The following C3 variants were observed in gnomAD, a reference collection of about 807,000 sequenced individuals.
C3 encodes the protein C3 and PZP-like alpha-2-macroglobulin domain-containing protein 1.
In C3, 97 loss-of-function variants were observed where a neutral mutation model predicts 207.9. The ratio of observed to expected loss-of-function variants is 0.47; its 90% CI spans 0.40 to 0.55. The LOEUF (loss-of-function observed/expected upper bound fraction) is 0.55, where lower values mean the gene tolerates loss of function less well. Among genes scored for constraint, C3 ranks in the 20% least tolerant of loss-of-function variants. C3 has a pLI of 0.00. For synonymous variants in C3, 848 were observed against 857.6 expected (o/e 0.99, Z 0.20); for missense variants, 1,684 against 2,171.7 (o/e 0.78, Z 4.46).
chr19:6,712,182 A>G (rs2145429516), intron 11 of C3, 75 bp downstream of exon 11: 1 of 1,567,506 alleles, frequency 6.4e-7, no homozygotes, highest in South Asian at 1.1e-5. Flanking sequence ...AAATGACAGG[A>G]CCCCACTGTG....
chr19:6,687,632 G>A (rs565558308), intron 27 of C3, among the ~76,000 whole-genome samples: 15 of 152,108 alleles, frequency 9.9e-5, no homozygotes, highest in South Asian at 8.3e-4. Context: ...ATATGGTGTC[G>A]TTGAATGTAG....
Position 6,686,754 on chromosome 19 carries a change from G to T in C3, c.3638C>A (p.Thr1213Lys), listed in dbSNP as rs1208865436. The T allele has an allele frequency of 6.2e-7, 1 of 1,613,772 alleles. No homozygotes were observed. Among genetic ancestry groups the T allele is most frequent in the African/African-American group, 1.3e-5 (1 of 74,930 alleles). Residue 1213 changes from threonine to lysine, a missense_variant, in exon 28 of 41, where the codon ACA becomes AAA. Physicochemically the swap from Thr to Lys is moderately conservative, Grantham distance 78. Transcript: ENST00000245907. ...KGPLLNKFLT[T>K]AKDKNRWEDP... is the part of the protein sequence containing the mutation. ...TCCAGGCCAACCCTCACCTTTGGCT[G>T]TGGTCAGAAATTTGTTAAGAAGAGG...
chr19:6,699,023 T>G (rs1035203619), intron 19 of C3, among the ~76,000 whole-genome samples: 1 of 152,098 alleles, frequency 6.6e-6, no homozygotes, highest in Non-Finnish European at 1.5e-5. Context: ...CTCCACCTCC[T>G]GACCTCAGGT....
chr19:6,680,276 G>A lies in C3; in HGVS notation c.4351-13C>T, dbSNP rs1381597483. 2.7e-6 allele frequency: 4 copies of A among 1,467,276 alleles called. No individual in the cohort carries two copies. The highest frequency in any genetic ancestry group is 2.9e-6 in the Non-Finnish European group (3 of 1,046,522). The allele number at this position is 1,467,276 out of a possible 1,614,324, so 90.9% of individuals were successfully genotyped here. On this transcript the variant is annotated splice_polypyrimidine_tract_variant and intron_variant, in intron 35 of 40. Coordinates refer to ENST00000245907, the MANE Select transcript of C3 (RefSeq NM_000064.4). ...CAGAGTGTGAGACCTGAGGGGGAAG[G>A]AGGAGCTTGGTCAGTGGGGTGATGT...
At chr19:6,680,601 T>C (rs1300458343) in intron 35 of C3, among the ~76,000 whole-genome samples, 1 of 152,108 alleles carries the variant, frequency 6.6e-6, no homozygotes, top group African/African-American at 2.4e-5. Context: ...GGATGGAAGG[T>C]GCTTGGATCC....
chr19:6,714,142 C>A (rs751144391), intron 6 of C3, 24 bp downstream of exon 6: 56 of 1,605,604 alleles, frequency 3.5e-5, no homozygotes, highest in Non-Finnish European at 3.8e-5. Flanking sequence ...GGCACTGACT[C>A]CCCCCAGCCC....
intron 24 of C3, among the ~76,000 whole-genome samples, chr19:6,693,935 C>A (rs547629254): frequency 7.0e-6 from 1 of 143,152 alleles, no homozygotes; most frequent in Non-Finnish European, 1.5e-5. Context: ...TGGGAGGAGT[C>A]AGGGCCTCAG....
chr19:6,713,327 G>C lies in C3; in HGVS notation c.877-12C>G. ...GAGCCATCCTCAATCTGAGAAGGGA[G>C]AGGAGGGCTCAGAGAGGGGAGCGGG... On this transcript the variant is annotated splice_polypyrimidine_tract_variant and intron_variant, in intron 8 of 40. Transcript: ENST00000245907. 6.2e-7 allele frequency: 1 copy of C among 1,613,922 alleles called. No individual in the cohort carries two copies. Among genetic ancestry groups the C allele is most frequent in the Non-Finnish European group, 8.5e-7 (1 of 1,180,006 alleles).
chr19:6,689,330 TCCCTCCCTCCCTCC>T (rs1918099149), intron 27 of C3, among the ~76,000 whole-genome samples: 25 of 42,914 alleles, frequency 5.8e-4, no homozygotes, highest in African/African-American at 2.8e-3. Context: ...TCTACCTACC[TCCCTCCCTCCCTCC>T]CTCCCTCCCT....
chr19:6,694,032 T>G (rs1444926682), intron 24 of C3, among the ~76,000 whole-genome samples: 1 of 102,652 alleles, frequency 9.7e-6, no homozygotes, highest in Admixed American at 9.0e-5. Flanking sequence ...GAGCCTGGCC[T>G]GGGAGGAGTC....
At chr19:6,683,268 G>A (rs1917909791) in intron 33 of C3, 1 of 151,712 alleles carries the variant, frequency 6.6e-6, no homozygotes, top group South Asian at 2.1e-4. Flanking sequence ...ATTATACAAA[G>A]AGAAGAAGGC....
chr19:6,680,288 C>A (rs781432068), intron 35 of C3, 25 bp from the exon 36 acceptor site: 2 of 1,302,150 alleles, frequency 1.5e-6, no homozygotes, highest in South Asian at 1.2e-5. Context: ...GGAGCTTGGT[C>A]AGTGGGGTGA....
In C3 at chr19:6,685,095, C is replaced by T. The variant is rs1409929600; in HGVS notation, c.3862G>A (p.Asp1288Asn). ...ACATCAAGGTTCAGTTCCTGGTGGT[C>T]AGGGGCGTCCTTTTGGTATTGAGCC... ...ALAQYQKDAPDHQELNLDVSL... is the reference protein window; with the variant it reads ...ALAQYQKDAPNHQELNLDVSL... The change falls in exon 30 of 41, where the codon GAC (aspartate) becomes AAC (asparagine). Residue 1288 changes from aspartate (D) to asparagine (N), a missense_variant. Physicochemically the swap from Asp to Asn is conservative, Grantham distance 23 (BLOSUM62 1). Coordinates refer to ENST00000245907, the MANE Select transcript of C3 (RefSeq NM_000064.4). 1 of 1,614,034 alleles carries T rather than the reference C, an allele frequency of 6.2e-7. No homozygotes were observed. Among genetic ancestry groups the T allele is most frequent in the South Asian group, 1.1e-5 (1 of 91,058 alleles).
chr19:6,699,589 T>A (rs1432743754), intron 19 of C3, among the ~76,000 whole-genome samples: 1 of 151,708 alleles, frequency 6.6e-6, no homozygotes, highest in Non-Finnish European at 1.5e-5. Flanking sequence ...AAAAGAAAAC[T>A]TAGCATCCTG....
chr19:6,703,025 C>T (rs1415519884), intron 17 of C3, among the ~76,000 whole-genome samples: 1 of 152,090 alleles, frequency 6.6e-6, no homozygotes, highest in Non-Finnish European at 1.5e-5. Context: ...CAGAGACAGA[C>T]TCCATCTGAA....
chr19:6,678,254 G>A lies in C3; in HGVS notation c.4748C>T (p.Thr1583Met), dbSNP rs367971651. 5 of 1,614,198 alleles carry A rather than the reference G, an allele frequency of 3.1e-6. No individual in the cohort carries two copies. Among genetic ancestry groups the A allele is most frequent in the East Asian group, 4.5e-5 (2 of 44,888 alleles). Reference sequence around the variant, plus strand: ...TCTGCACTTGATGGGGCTGATGAACGTGCGCTGCTGTCCAACCTGCACCTC... The same window carrying A: ...TCTGCACTTGATGGGGCTGATGAACATGCGCTGCTGTCCAACCTGCACCTC... ...SDEVQVGQQR[T>M]FISPIKCREA... The change falls in exon 40 of 41, where the codon ACG becomes ATG. Residue 1583 changes from threonine to methionine, a missense_variant. Physicochemically the swap from Thr to Met is moderately conservative, Grantham distance 81 (BLOSUM62 -1). Around this residue, in one of 3 missense-constraint regions of C3, gnomAD observed 346 missense variants for 380.1 expected, o/e 0.91. Coordinates refer to ENST00000245907, the MANE Select transcript of C3 (RefSeq NM_000064.4).
At chr19:6,720,450 G>A in intron 1 of C3, 66 bp downstream of exon 1, 1 of 1,150,630 alleles carries the variant, frequency 8.7e-7, no homozygotes, top group Non-Finnish European at 1.3e-6. Context: ...CAGGGACCTG[G>A]ACCCCCAAAT....
chr19:6,682,214 C>T lies in C3; in HGVS notation c.4188G>A (p.Gln1396=), dbSNP rs933914091. The part of the protein sequence containing the change: ...LEICTRYRGD[Q]DATMSILDIS... ...TGTCCAATATAGACATAGTGGCATC[C>T]TGGTCTCCCCGGTACCTGGATAGTG... is the stretch of plus-strand genomic sequence containing the variant. The change falls in exon 34 of 41, where the codon CAG becomes CAA. Residue 1396 remains glutamine (Q), a synonymous_variant. Transcript: ENST00000245907. 1 of 1,613,888 alleles carries T rather than the reference C, an allele frequency of 6.2e-7. No individual in the cohort carries two copies. The highest frequency in any genetic ancestry group is 8.5e-7 in the Non-Finnish European group (1 of 1,179,742).
chr19:6,710,238 G>A (rs1276927735), intron 13 of C3, among the ~76,000 whole-genome samples: 6 of 111,888 alleles, frequency 5.4e-5, no homozygotes, highest in Admixed American at 4.3e-4. Context: ...GAGAGAGAGG[G>A]AGAGAGAGAA....
Sources: gnomAD v4.1 joint callset for allele counts (sites outside exome capture counted in the v4.1 genomes callset) on GRCh38, gnomAD v4.1.1 for gene constraint, gnomAD v4.1.1 regional missense constraint, MANE v1.5 for transcripts, NCBI Gene and HGNC (gene_info 2026-07-23, HGNC 2026-07-21) for gene names.